Variants in E2F3 observed in about 807,000 individuals in gnomAD.
The protein encoded by E2F3 is transcription factor E2F3.
E2F3 carries 11 observed loss-of-function variants against 44.4 expected under a neutral mutation model. The observed-to-expected ratio is 0.25, with a 90% CI of 0.16 to 0.41. The LOEUF (loss-of-function observed/expected upper bound fraction) is 0.41, where lower values mean the gene tolerates loss of function less well. Ranked by LOEUF, E2F3 falls within the 10% of genes least tolerant of loss-of-function variation. The pLI is 1.00. For missense variants in E2F3, 487 were observed against 583.6 expected (o/e 0.83, Z 1.70); for synonymous variants, 249 against 253.0 (o/e 0.98, Z 0.15).
intron 1 of E2F3, among the ~76,000 whole-genome samples, chr6:20,434,727 C>T (rs59875875): frequency 6.6e-6 from 1 of 152,196 alleles, no homozygotes; most frequent in Non-Finnish European, 1.5e-5. Flanking sequence ...AGCTGAATAT[C>T]CCTTCCTTGC....
intron 1 of E2F3, among the ~76,000 whole-genome samples, chr6:20,478,357 C>T (rs559522734): frequency 1.7e-3 from 266 of 152,308 alleles, no homozygotes; most frequent in Admixed American, 4.7e-3. Flanking sequence ...GTGTATTTTA[C>T]AATTATAGCA....
Position 20,430,626 on chromosome 6 carries a change from G to A in E2F3, c.393+28001G>A, listed in dbSNP as rs189629932. On this transcript the variant is annotated intron_variant, in intron 1 of 6. Transcript: ENST00000346618. ...TTCCAGAGGGGAAACTTGGATGGGA[G>A]AGAAAAATCCTTTTTATGGGTTGGC... Among the ~76,000 whole-genome samples, 11 of 152,306 alleles carry A rather than the reference G, an allele frequency of 7.2e-5. No individual in the cohort carries two copies. In the East Asian group the frequency reaches 1.7e-3, roughly 24 times the overall value.
rs187525757 is a variant in E2F3, at chr6:20,486,655, G to A, written c.885-34G>A. ...CATTTTCATCATACTTATATCTGAG[G>A]TAATTAGATGGAAGATTCCTTGACA... is the stretch of plus-strand genomic sequence containing the variant. On this transcript the variant is annotated intron_variant, in intron 4 of 6. Coordinates refer to ENST00000346618, the MANE Select transcript of E2F3 (RefSeq NM_001949.5). 1.0e-5 allele frequency: 11 copies of A among 1,093,666 alleles called. No individual in the cohort carries two copies. In the African/African-American group the frequency reaches 1.7e-4, roughly 17 times the overall value. 67.7% of individuals were successfully genotyped at this position (1,093,666 alleles called of 1,614,324 possible).
chr6:20,425,650 G>C (rs947969247), intron 1 of E2F3, among the ~76,000 whole-genome samples: 1 of 151,974 alleles, frequency 6.6e-6, no homozygotes, highest in Non-Finnish European at 1.5e-5. Context: ...GCCCCGCCTC[G>C]GCCTCCCAAA....
At chr6:20,471,299 T>C (rs1460160539) in intron 1 of E2F3, among the ~76,000 whole-genome samples, 3 of 152,206 alleles carry the variant, frequency 2.0e-5, no homozygotes, top group Non-Finnish European at 4.4e-5. Flanking sequence ...GTTGCACATA[T>C]AGGCCGGGCA....
chr6:20,480,090 T>C, intron 2 of E2F3, 133 bp downstream of exon 2: 1 of 1,421,908 alleles, frequency 7.0e-7, no homozygotes, highest in Non-Finnish European at 9.2e-7. Context: ...TTTCTGTGCT[T>C]ATCCAAAAAA....
chr6:20,404,182 A>AG (rs1257793360), intron 1 of E2F3, among the ~76,000 whole-genome samples: 1 of 30,236 alleles, frequency 3.3e-5, no homozygotes, highest in Non-Finnish European at 6.1e-5. Context: ...CTGGAGGGGG[A>AG]GGGGGGTGGG....
At chr6:20,484,602 A>G (rs2127624070) in intron 4 of E2F3, among the ~76,000 whole-genome samples, 1 of 152,290 alleles carries the variant, frequency 6.6e-6, no homozygotes, top group Non-Finnish European at 1.5e-5. Flanking sequence ...TTGATGGGTT[A>G]TGTAGTGACC....
intron 1 of E2F3, among the ~76,000 whole-genome samples, chr6:20,464,440 T>A (rs1182875379): frequency 2.6e-5 from 4 of 152,198 alleles, no homozygotes. Flanking sequence ...ATGATAGAAC[T>A]CTTCTGGGCA....
intron 1 of E2F3, among the ~76,000 whole-genome samples, chr6:20,459,530 T>C (rs1332153848): frequency 6.6e-6 from 1 of 152,262 alleles, no homozygotes; most frequent in Non-Finnish European, 1.5e-5. Flanking sequence ...ACATTGATTT[T>C]TTTTAATACA....
At chr6:20,431,470 C>T (rs1036127455) in intron 1 of E2F3, among the ~76,000 whole-genome samples, 1 of 152,080 alleles carries the variant, frequency 6.6e-6, no homozygotes, top group Non-Finnish European at 1.5e-5. Context: ...GCTTTTTTGT[C>T]TCTCTAGGAG....
chr6:20,445,161 G>T, intron 1 of E2F3: 1 of 985,018 alleles, frequency 1.0e-6, no homozygotes, highest in Non-Finnish European at 1.2e-6. Context: ...GCAGCGCCTT[G>T]TACTTAAAAA....
At chr6:20,476,198 C>T (rs1284378586) in intron 1 of E2F3, among the ~76,000 whole-genome samples, 4 of 152,010 alleles carry the variant, frequency 2.6e-5, no homozygotes, top group South Asian at 4.1e-4. Context: ...GGTGAAACCC[C>T]GTCTCTACTA....
chr6:20,472,031 C>T (rs1761908664), intron 1 of E2F3, among the ~76,000 whole-genome samples: 1 of 136,192 alleles, frequency 7.3e-6, no homozygotes, highest in African/African-American at 3.0e-5. Flanking sequence ...CTCCAACACA[C>T]ACACACACAC....
chr6:20,413,434 TG>T (rs765943911), intron 1 of E2F3, among the ~76,000 whole-genome samples: 10 of 152,216 alleles, frequency 6.6e-5, no homozygotes, highest in Non-Finnish European at 1.3e-4. Flanking sequence ...CTTCCTCGTT[TG>T]GAAAGACCCC....
chr6:20,493,232 T>C lies in E2F3; in HGVS notation c.*2802T>C. 4.4e-6 allele frequency: 1 copy of C among 226,976 alleles called. No individual in the cohort carries two copies. Among genetic ancestry groups the C allele is most frequent in the Non-Finnish European group, 8.8e-6 (1 of 113,780 alleles). 14.1% of individuals were successfully genotyped at this position (226,976 alleles called of 1,614,324 possible). ...ATTTTGTTTTTGTTTTTCTGTTCTT[T>C]GTTGTGGCTCTTGTTTTCATTTTTG... On this transcript the variant is annotated 3_prime_UTR_variant, in exon 7 of 7. Coordinates refer to ENST00000346618, the MANE Select transcript of E2F3 (RefSeq NM_001949.5).
In E2F3 at chr6:20,490,081, T is replaced by C. The variant is rs1200688288; in HGVS notation, c.1136-87T>C. ...TTATTTGCGGAAGGTACATGCTTTT[T>C]TCTAACAGCAACATATACATTCTTC... On this transcript the variant is annotated intron_variant, in intron 6 of 6. Coordinates refer to ENST00000346618, the MANE Select transcript of E2F3 (RefSeq NM_001949.5). The surrounding 1 kb of genome is among the most constrained non-coding windows in gnomAD (Gnocchi z 4.3). 13 of 1,412,354 alleles carry C rather than the reference T, an allele frequency of 9.2e-6. No individual in the cohort carries two copies. The highest frequency in any genetic ancestry group is 1.2e-5 in the Non-Finnish European group (13 of 1,049,622). The allele number at this position is 1,412,354 out of a possible 1,614,324, so 87.5% of individuals were successfully genotyped here.
At position 20,462,859 on chromosome 6, in the gene E2F3, CTTTTTTTTTTTTTTTTTT is replaced by C. The variant is rs780366667; in HGVS notation, c.394-16967_394-16950del. On this transcript the variant is annotated intron_variant, in intron 1 of 6. Coordinates refer to ENST00000346618, the MANE Select transcript of E2F3 (RefSeq NM_001949.5). Reference sequence around the variant, plus strand: ...TGTTTTGTTCTCTTTCTCTCTCTCTCTTTTTTTTTTTTTTTTTTTTTTTTTTTTTTTTTTTTTGAGACA... The same window carrying C: ...TGTTTTGTTCTCTTTCTCTCTCTCTCTTTTTTTTTTTTTTTTTTTGAGACA... 7.8e-4 allele frequency among the ~76,000 whole-genome samples: 38 copies of C among 48,848 alleles called. 1 individual carries two copies. The highest frequency in any genetic ancestry group is 7.3e-4 in the East Asian group (1 of 1,378). The allele number at this position is 48,848 out of a possible 152,430, so 32.0% of individuals were successfully genotyped here. A position where few individuals can be genotyped will look rare whatever the true frequency, so the allele number is the denominator to read the frequency against.
At chr6:20,418,646 A>G (rs2127588865) in intron 1 of E2F3, among the ~76,000 whole-genome samples, 1 of 152,250 alleles carries the variant, frequency 6.6e-6, no homozygotes, top group Middle Eastern at 3.4e-3. Context: ...CTCGATCAGA[A>G]GGTTATTAGC....
Sources: gnomAD v4.1 joint callset for allele counts (sites outside exome capture counted in the v4.1 genomes callset) on GRCh38, gnomAD v4.1.1 for gene constraint, Gnocchi (gnomAD v3.1) non-coding constraint, MANE v1.5 for transcripts, NCBI Gene and HGNC (gene_info 2026-07-23, HGNC 2026-07-21) for gene names.